CFAP52: variants seen among roughly 807,000 people sequenced by gnomAD.
The protein encoded by CFAP52 is cilia and flagella associated protein 52, also known as cilia- and flagella-associated protein 52.
CFAP52 carries 57 observed loss-of-function variants against 70.5 expected under a neutral mutation model. That is an observed-to-expected ratio of 0.81 (90% CI 0.65 to 1.01). CFAP52 has a LOEUF of 1.01. Among genes scored for constraint, CFAP52 ranks in the 50% least tolerant of loss-of-function variants. The pLI, the probability that CFAP52 is intolerant of heterozygous loss-of-function variation, is 0.00. For synonymous variants in CFAP52, 267 were observed against 292.5 expected (o/e 0.91, Z 0.89); for missense variants, 785 against 788.5 (o/e 1.00, Z 0.05).
Position 9,600,203 on chromosome 17 carries a change from AC to A in CFAP52, c.753+21del, listed in dbSNP as rs777930342. 1.0e-4 allele frequency: 160 copies of A among 1,596,794 alleles called. 2 individuals carry two copies. The highest frequency in any genetic ancestry group is 5.5e-4 in the South Asian group (50 of 90,590). On this transcript the variant is annotated intron_variant, in intron 6 of 13. Transcript: ENST00000352665. ...AGTTTGGTGAGTAGAGACCATCGCC[AC>A]TGCCCTGCCATTTTTCTCCCTTCAC...
chr17:9,606,061 A>C (rs534257951), intron 6 of CFAP52, among the ~76,000 whole-genome samples: 7 of 151,808 alleles, frequency 4.6e-5, no homozygotes, highest in African/African-American at 1.7e-4. Flanking sequence ...TGCAAACCTA[A>C]AACTGCTCTA....
intron 9 of CFAP52, among the ~76,000 whole-genome samples, 196 bp downstream of exon 9, chr17:9,629,016 A>G (rs1910346815): frequency 6.6e-6 from 1 of 152,144 alleles, no homozygotes. Context: ...GAAGGACCAA[A>G]TAGCAATTTC....
intron 12 of CFAP52, 22 bp from the exon 13 acceptor site, chr17:9,641,702 A>AT (rs140750566): frequency 0.027 from 42,466 of 1,582,806 alleles, 753 homozygotes; most frequent in Admixed American, 0.054. Context: ...GTCCTGCTTA[A>AT]TGCTTCTTTC....
Position 9,581,633 on chromosome 17 carries a change from G to A in CFAP52, c.71-4140G>A, listed in dbSNP as rs1030136177. Among the ~76,000 whole-genome samples, 14 of 152,202 alleles carry A rather than the reference G, an allele frequency of 9.2e-5. No individual in the cohort carries two copies. The East Asian group carries it at 2.7e-3, about 29-fold the overall frequency. ...TGGAGTGTGTGTGAGTATGTCTGGA[G>A]AAGAGAGCAAAGAATATGAATTGTA... is the stretch of plus-strand genomic sequence containing the variant. On this transcript the variant is annotated intron_variant, in intron 1 of 13. Coordinates refer to ENST00000352665, the MANE Select transcript of CFAP52 (RefSeq NM_145054.5).
At chr17:9,636,651 C>T (rs997008997) in intron 11 of CFAP52, among the ~76,000 whole-genome samples, 1 of 151,972 alleles carries the variant, frequency 6.6e-6, no homozygotes, top group Non-Finnish European at 1.5e-5. Flanking sequence ...ATACGAGAGA[C>T]GAGGATAAGT....
At chr17:9,635,357 TC>T in intron 10 of CFAP52, 47 bp from the exon 11 acceptor site, 1 of 1,608,892 alleles carries the variant, frequency 6.2e-7, no homozygotes. Flanking sequence ...TCCTATCCCT[TC>T]AGAAGTCCCA....
intron 8 of CFAP52, 95 bp downstream of exon 8, chr17:9,612,574 T>C (rs1909758011): frequency 1.5e-6 from 2 of 1,374,650 alleles, no homozygotes; most frequent in Non-Finnish European, 1.9e-6. Flanking sequence ...ATGAACATAG[T>C]TATGATTTTT....
chr17:9,645,507 C>T (rs1371696704), downstream of CFAP52: 34 of 959,526 alleles, frequency 3.5e-5, no homozygotes, highest in Admixed American at 2.5e-4. The surrounding 1 kb of genome is among the most constrained non-coding windows in gnomAD (Gnocchi z 6.8). Context: ...CGCCTCCGCC[C>T]CGTCCCCGCA....
chr17:9,605,994 TGG>T (rs1909474909), intron 6 of CFAP52, among the ~76,000 whole-genome samples: 1 of 152,030 alleles, frequency 6.6e-6, no homozygotes, highest in Admixed American at 6.6e-5. Flanking sequence ...TCTTTAACTG[TGG>T]GGGAAAGAAG....
intron 6 of CFAP52, 106 bp from the exon 7 acceptor site, chr17:9,608,013 G>T: frequency 4.1e-5 from 30 of 728,400 alleles, no homozygotes; most frequent in South Asian, 1.1e-4. Context: ...TTTTTTTATT[G>T]CCATATGTTT....
At chr17:9,582,794 G>C (rs780675059) in intron 1 of CFAP52, among the ~76,000 whole-genome samples, 7 of 152,084 alleles carry the variant, frequency 4.6e-5, no homozygotes, top group African/African-American at 7.2e-5. Context: ...CCACCACTAC[G>C]CCCAGCTAAT....
intron 8 of CFAP52, among the ~76,000 whole-genome samples, chr17:9,622,344 T>C (rs1910073540): frequency 1.3e-5 from 2 of 152,064 alleles, no homozygotes; most frequent in Non-Finnish European, 2.9e-5. Flanking sequence ...GCCCAGGAGT[T>C]TGAGACTAGC....
At position 9,643,176 on chromosome 17, in the gene CFAP52, G is replaced by A; in HGVS notation, c.1841G>A (p.Trp614Ter). The change falls in exon 14 of 14, where the codon TGG becomes TAG. Residue 614 changes from tryptophan to a stop codon, truncating the protein, a stop_gained. Transcript: ENST00000352665. LOFTEE classifies it high-confidence loss of function. ...SVSADGAILR[W>*]KYPYTS ...AGTGCCGATGGAGCCATTTTGCGATGGAAGTACCCATATACCTCCTGAAGC... is the reference window on the plus strand; with the variant it reads ...AGTGCCGATGGAGCCATTTTGCGATAGAAGTACCCATATACCTCCTGAAGC... 6.2e-7 allele frequency: 1 copy of A among 1,611,886 alleles called. No homozygotes were observed. Among genetic ancestry groups the A allele is most frequent in the Non-Finnish European group, 8.5e-7 (1 of 1,179,064 alleles).
intron 13 of CFAP52, among the ~76,000 whole-genome samples, chr17:9,642,468 A>T (rs1465566701): frequency 6.6e-6 from 1 of 152,114 alleles, no homozygotes; most frequent in African/African-American, 2.4e-5. Context: ...TACTAAAAAC[A>T]CAAAAATTAG....
rs796314327 is a variant in CFAP52 at position 9,596,059 on chromosome 17, GTATATATATATATA to G, written c.536+1768_536+1781del. ...TATGTATGTAGATATATATGTGTGT[GTATATATATATATA>G]TATATATATATATATATATATATAT... On this transcript the variant is annotated intron_variant, in intron 4 of 13. Transcript: ENST00000352665. Among the ~76,000 whole-genome samples, 732 of 85,218 alleles carry G rather than the reference GTATATATATATATA, an allele frequency of 8.6e-3. 13 individuals carry two copies. Among genetic ancestry groups the G allele is most frequent in the African/African-American group, 0.029 (644 of 22,422 alleles). 55.9% of individuals were successfully genotyped at this position (85,218 alleles called of 152,430 possible). A position where few individuals can be genotyped will look rare whatever the true frequency, so the allele number is the denominator to read the frequency against.
chr17:9,631,048 G>GAAAGAAGGAAAGAA (rs1426600738), intron 9 of CFAP52, among the ~76,000 whole-genome samples: 1 of 19,788 alleles, frequency 5.1e-5, no homozygotes, highest in African/African-American at 1.2e-4. Flanking sequence ...GAGAGAGAGA[G>GAAAGAAGGAAAGAA]AGAGAGAAAG....
chr17:9,633,771 G>T (rs1910654306), intron 10 of CFAP52, among the ~76,000 whole-genome samples: 1 of 151,636 alleles, frequency 6.6e-6, no homozygotes, highest in Admixed American at 6.6e-5. Flanking sequence ...CCGCCTCCTG[G>T]GTTCACGCCA....
chr17:9,630,853 G>A (rs1383591236), intron 9 of CFAP52, among the ~76,000 whole-genome samples: 2 of 150,094 alleles, frequency 1.3e-5, no homozygotes, highest in African/African-American at 4.9e-5. Context: ...GGGCGTGGTG[G>A]CGGGAGCCTG....
At chr17:9,595,651 A>T (rs1045157476) in intron 4 of CFAP52, among the ~76,000 whole-genome samples, 9 of 151,188 alleles carry the variant, frequency 6.0e-5, no homozygotes, top group African/African-American at 9.7e-5. Context: ...ATTTTATATT[A>T]AAAAAAAAGT....
Sources: gnomAD v4.1 joint callset for allele counts (sites outside exome capture counted in the v4.1 genomes callset) on GRCh38, gnomAD v4.1.1 for gene constraint, Gnocchi (gnomAD v3.1) non-coding constraint, MANE v1.5 for transcripts, NCBI Gene and HGNC (gene_info 2026-07-23, HGNC 2026-07-21) for gene names.